The following HDAC9 variants were observed in gnomAD, a reference collection of about 807,000 sequenced individuals.
The protein encoded by HDAC9 is MEF-2 interacting transcription repressor (MITR) protein.
A neutral mutation model predicts 139.4 loss-of-function variants in HDAC9; 41 were observed. The observed-to-expected ratio is 0.29, with a 90% CI of 0.23 to 0.38. The LOEUF is 0.38. Ranked by LOEUF, HDAC9 falls within the 10% of genes least tolerant of loss-of-function variation. The probability of loss-of-function intolerance (pLI) is 1.00; values close to 1 mark genes in which losing one functional copy is unlikely to be tolerated. For synonymous variants in HDAC9, 517 were observed against 476.2 expected, an observed-to-expected ratio of 1.09 and a Z score of -1.12; for missense variants, 1,147 against 1,297.0, an observed-to-expected ratio of 0.88 and a Z score of 1.78.
intron 16 of HDAC9, among the ~76,000 whole-genome samples, chr7:18,767,822 G>A (rs1367570191): frequency 6.6e-6 from 1 of 152,106 alleles, no homozygotes; most frequent in East Asian, 1.9e-4. Flanking sequence ...CCATCATCCT[G>A]TAGAACTAAG....
chr7:18,808,324 G>C (rs980555538), intron 17 of HDAC9: 3 of 152,108 alleles, frequency 2.0e-5, no homozygotes, highest in Admixed American at 6.5e-5. Flanking sequence ...AGCCTAGTTA[G>C]AGAAATTAGA....
At chr7:18,391,249 G>A (rs1042657230) in intron 1 of HDAC9, among the ~76,000 whole-genome samples, 1 of 152,086 alleles carries the variant, frequency 6.6e-6, no homozygotes, top group Admixed American at 6.5e-5. Context: ...TCCGGGCATG[G>A]TGGCACGTGC....
chr7:18,620,558 A>G (rs1434921504), intron 6 of HDAC9, among the ~76,000 whole-genome samples: 1 of 151,838 alleles, frequency 6.6e-6, no homozygotes, highest in Non-Finnish European at 1.5e-5. Flanking sequence ...AAAAATAGCA[A>G]ATTTGTACAT....
chr7:18,645,284 A>C (rs879446335), intron 9 of HDAC9, among the ~76,000 whole-genome samples: 6 of 152,180 alleles, frequency 3.9e-5, no homozygotes, highest in Non-Finnish European at 7.3e-5. Context: ...TTATTTTGGG[A>C]ATTTAAGTTA....
chr7:19,000,750 G>A lies in HDAC9; in HGVS notation c.*4688G>A, dbSNP rs565975001. The A allele has an allele frequency of 6.6e-5, 10 of 152,266 alleles. No individual in the cohort carries two copies. The highest frequency in any genetic ancestry group is 1.9e-4 in the East Asian group (1 of 5,182). The allele number at this position is 152,266 out of a possible 1,614,324, so 9.4% of individuals were successfully genotyped here. ...TTAGCAAATACATGGTGAATCTGGT[G>A]TAAACTTACAATCTAACAAATAATT... is the stretch of plus-strand genomic sequence containing the variant. On this transcript the variant is annotated 3_prime_UTR_variant, in exon 26 of 26. Coordinates refer to ENST00000686413, the MANE Select transcript of HDAC9 (RefSeq NM_178425.4).
At chr7:18,132,887 G>C (rs961971743) in intron 1 of HDAC9, among the ~76,000 whole-genome samples, 48 of 114,222 alleles carry the variant, frequency 4.2e-4, no homozygotes, top group Non-Finnish European at 7.5e-4. Context: ...CCTAAATAAA[G>C]TGACTTATTT....
chr7:18,338,635 A>G (rs1781763757), intron 1 of HDAC9, among the ~76,000 whole-genome samples: 1 of 151,484 alleles, frequency 6.6e-6, no homozygotes, highest in Non-Finnish European at 1.5e-5. Flanking sequence ...ATCTTGCATT[A>G]TTGGGATAAA....
At chr7:18,848,230 C>T (rs528578304) in intron 21 of HDAC9, among the ~76,000 whole-genome samples, 1 of 152,194 alleles carries the variant, frequency 6.6e-6, no homozygotes, top group Non-Finnish European at 1.5e-5. Context: ...AAATTTTTGC[C>T]AGTGATGAAC....
intron 12 of HDAC9, among the ~76,000 whole-genome samples, chr7:18,724,706 A>T (rs1023952911): frequency 6.6e-6 from 1 of 152,152 alleles, no homozygotes; most frequent in African/African-American, 2.4e-5. Flanking sequence ...GCCCAGTGTC[A>T]TATATGTGGT....
chr7:18,734,989 G>A (rs533917407), intron 13 of HDAC9, among the ~76,000 whole-genome samples: 1 of 152,358 alleles, frequency 6.6e-6, no homozygotes, highest in Non-Finnish European at 1.5e-5. Flanking sequence ...GATGACCAGT[G>A]AAGATGAGTA....
intron 17 of HDAC9, among the ~76,000 whole-genome samples, chr7:18,827,041 C>T (rs1162188838): frequency 3.3e-5 from 5 of 151,496 alleles, no homozygotes. Flanking sequence ...ATGCTTGAGC[C>T]CAGGAGTTCA....
chr7:18,678,551 A>C (rs571823107), intron 12 of HDAC9, among the ~76,000 whole-genome samples: 5 of 151,732 alleles, frequency 3.3e-5, no homozygotes, highest in African/African-American at 7.3e-5. Flanking sequence ...TGCTGTACAC[A>C]TCTTTTCTTC....
rs570954676 is a variant in HDAC9, at chr7:18,260,925, G to A, written c.25+98576G>A. ...GCTGTGTATGGAGAAGGTAACAGTCGGTATGTTAAAACAACAGATCCGGCC... is the reference window on the plus strand; with the variant it reads ...GCTGTGTATGGAGAAGGTAACAGTCAGTATGTTAAAACAACAGATCCGGCC... On this transcript the variant is annotated intron_variant, in intron 2 of 12. Coordinates refer to the HDAC9 transcript ENST00000417496. Among the ~76,000 whole-genome samples, 3 of 152,216 alleles carry A rather than the reference G, an allele frequency of 2.0e-5. No individual in the cohort carries two copies. The South Asian group carries it at 6.2e-4, about 32-fold the overall frequency.
intron 21 of HDAC9, among the ~76,000 whole-genome samples, chr7:18,855,459 T>C (rs1585161258): frequency 6.6e-6 from 1 of 152,114 alleles, no homozygotes. Flanking sequence ...ATTTCTATCA[T>C]TGCTAGAGTC....
chr7:18,131,149 A>G (rs1784973934), intron 1 of HDAC9, among the ~76,000 whole-genome samples: 1 of 152,118 alleles, frequency 6.6e-6, no homozygotes, highest in Admixed American at 6.6e-5. Context: ...ACCTCTAAAT[A>G]AAAGGAGAAC....
chr7:18,736,902 C>G (rs931698935), intron 13 of HDAC9, among the ~76,000 whole-genome samples: 2 of 152,174 alleles, frequency 1.3e-5, no homozygotes, highest in African/African-American at 4.8e-5. Flanking sequence ...ATTATTGCCT[C>G]AATTTCGGAG....
At chr7:18,133,416 C>A (rs994501009) in intron 1 of HDAC9, among the ~76,000 whole-genome samples, 1 of 152,052 alleles carries the variant, frequency 6.6e-6, no homozygotes, top group Non-Finnish European at 1.5e-5. Flanking sequence ...TGTCAAATAT[C>A]CATGACTTGA....
At chr7:18,317,011 G>A (rs1448682788) in intron 1 of HDAC9, among the ~76,000 whole-genome samples, 21 of 151,116 alleles carry the variant, frequency 1.4e-4, no homozygotes, top group Non-Finnish European at 3.1e-4. Context: ...GGAGAATGGC[G>A]TGAACCCGGG....
chr7:18,759,681 G>T (rs1282995551), intron 14 of HDAC9, among the ~76,000 whole-genome samples: 2 of 152,152 alleles, frequency 1.3e-5, no homozygotes, highest in Non-Finnish European at 2.9e-5. Flanking sequence ...CCACGAAACT[G>T]GTCTCTGGTG....
Sources: gnomAD v4.1 joint callset for allele counts (sites outside exome capture counted in the v4.1 genomes callset) on GRCh38, gnomAD v4.1.1 for gene constraint, MANE v1.5 for transcripts, NCBI Gene and HGNC (gene_info 2026-07-23, HGNC 2026-07-21) for gene names.